The following FHAD1 variants were observed in gnomAD, a reference collection of about 807,000 sequenced individuals.
The protein encoded by FHAD1 is forkhead-associated domain-containing protein 1.
Under a neutral mutation model 191.3 loss-of-function variants are expected in FHAD1, and 146 were observed. The ratio of observed to expected loss-of-function variants is 0.76; its 90% confidence interval spans 0.67 to 0.88. The LOEUF (loss-of-function observed/expected upper bound fraction) is 0.88, where lower values mean the gene tolerates loss of function less well. FHAD1 is among the 40% of genes least tolerant of loss of function. The pLI, the probability that FHAD1 is intolerant of heterozygous loss-of-function variation, is 0.00. For missense variants in FHAD1, 1,635 were observed against 1,785.8 expected (o/e 0.92, Z 1.52); for synonymous variants, 616 against 672.3 (o/e 0.92, Z 1.29).
At chr1:15,388,280 G>GCCCCTGCCCCACCTCCC (rs1702714841) in intron 32 of FHAD1, 149 bp downstream of exon 32, 7 of 119,806 alleles carry the variant, frequency 5.8e-5, no homozygotes, top group East Asian at 5.0e-4. Flanking sequence ...TCTGCCCCTC[G>GCCCCTGCCCCACCTCCC]TCCCTCCCTC....
intron 33 of FHAD1, among the ~76,000 whole-genome samples, chr1:15,394,425 A>G (rs933875433): frequency 6.6e-6 from 1 of 152,202 alleles, no homozygotes; most frequent in Non-Finnish European, 1.5e-5. Flanking sequence ...TTAGGGGGGA[A>G]GGCTTTTGAG....
chr1:15,336,219 T>G (rs1558148378), intron 14 of FHAD1, among the ~76,000 whole-genome samples: 2 of 152,196 alleles, frequency 1.3e-5, no homozygotes, highest in South Asian at 4.1e-4. Flanking sequence ...CCTATAAATA[T>G]GAACATACTT....
chr1:15,283,009 C>T (rs1299057101), intron 3 of FHAD1, among the ~76,000 whole-genome samples: 1 of 152,246 alleles, frequency 6.6e-6, no homozygotes, highest in African/African-American at 2.4e-5. Context: ...GCTACTTGCT[C>T]AGCAGGGCTA....
intron 28 of FHAD1, among the ~76,000 whole-genome samples, chr1:15,375,939 G>A (rs540244141): frequency 2.6e-5 from 4 of 152,288 alleles, no homozygotes; most frequent in African/African-American, 9.6e-5. Flanking sequence ...GTATGGTTCC[G>A]CATGGTGTTG....
intron 14 of FHAD1, among the ~76,000 whole-genome samples, chr1:15,336,136 G>A (rs1447253564): frequency 6.6e-6 from 1 of 152,208 alleles, no homozygotes; most frequent in South Asian, 2.1e-4. Context: ...GAGATTGACA[G>A]ATCTAGGTCT....
rs544133165 is a variant in FHAD1 at position 15,319,295 on chromosome 1, G to A, written c.1365+1367G>A. Among the ~76,000 whole-genome samples, 7 of 152,254 alleles carry A rather than the reference G, an allele frequency of 4.6e-5. No homozygotes were observed. The South Asian group carries it at 6.2e-4, about 14-fold the overall frequency. ...GCAGAAGTCAAATCATTAAAACCTC[G>A]TGAGCTGAAATGTATACTACACAAG... is the stretch of plus-strand genomic sequence containing the variant. On this transcript the variant is annotated intron_variant, in intron 10 of 33. Coordinates refer to ENST00000688493, the MANE Select transcript of FHAD1 (RefSeq NM_001391957.1).
intron 14 of FHAD1, among the ~76,000 whole-genome samples, chr1:15,332,020 C>G (rs2101912262): frequency 6.6e-6 from 1 of 152,288 alleles, no homozygotes; most frequent in South Asian, 2.1e-4. Flanking sequence ...TATATTCTTT[C>G]CACAATGAAT....
intron 1 of FHAD1, among the ~76,000 whole-genome samples, chr1:15,241,900 C>A (rs1351476377): frequency 6.6e-6 from 1 of 152,046 alleles, no homozygotes; most frequent in African/African-American, 2.4e-5. Flanking sequence ...TGACCTGAGA[C>A]AAAATGTATA....
chr1:15,305,777 G>T (rs544665618), intron 6 of FHAD1: 6 of 446,610 alleles, frequency 1.3e-5, no homozygotes, highest in South Asian at 9.5e-5. Flanking sequence ...AGTGCTTTTC[G>T]CCTCCCACCA....
chr1:15,257,092 T>C (rs2100899279), intron 2 of FHAD1, among the ~76,000 whole-genome samples: 1 of 152,380 alleles, frequency 6.6e-6, no homozygotes, highest in African/African-American at 2.4e-5. Flanking sequence ...CAAAGTCTTT[T>C]TTATTATTAT....
At chr1:15,308,862 C>G in intron 7 of FHAD1, 126 bp downstream of exon 7, 2 of 1,403,496 alleles carry the variant, frequency 1.4e-6, no homozygotes, top group East Asian at 5.1e-5. Context: ...AGAGTTCTTC[C>G]CAGCAGCCCT....
intron 31 of FHAD1, among the ~76,000 whole-genome samples, chr1:15,386,967 A>G (rs930265760): frequency 7.3e-5 from 11 of 151,456 alleles, no homozygotes; most frequent in Admixed American, 3.9e-4. Context: ...GGCTCAAATG[A>G]TCCTCCCACC....
rs1390220049 is a variant in FHAD1 at position 15,316,401 on chromosome 1, A to C, written c.1194A>C (p.Leu398Phe). The C allele has an allele frequency of 6.4e-7, 1 of 1,551,624 alleles. No individual in the cohort carries two copies. The highest frequency in any genetic ancestry group is 8.7e-7 in the Non-Finnish European group (1 of 1,147,008). Residue 398 changes from leucine (L) to phenylalanine (F), a missense_variant, in exon 9 of 34, where the codon TTA (leucine) becomes TTC (phenylalanine). Leu to Phe is a conservative substitution (Grantham distance 22). Coordinates refer to ENST00000688493, the MANE Select transcript of FHAD1 (RefSeq NM_001391957.1). The surrounding 1 kb of genome is among the most constrained non-coding windows in gnomAD (Gnocchi z 4.3). The stretch of plus-strand genomic sequence containing the variant: ...AGTGCTCGGTGCTAAAGGAAGAGTT[A>C]AAACAGGAAGATGCTCACAGGGAGC... ...GSRCSVLKEE[L>F]KQEDAHRELR... is the part of the protein sequence containing the mutation.
At chr1:15,268,878 T>C (rs1474998175) in intron 2 of FHAD1, among the ~76,000 whole-genome samples, 3 of 151,562 alleles carry the variant, frequency 2.0e-5, no homozygotes, top group African/African-American at 7.3e-5. Context: ...TTGAGTTCAT[T>C]GTAGATTCTG....
chr1:15,251,916 C>T lies in FHAD1; in HGVS notation c.93+39C>T, dbSNP rs751217561. On this transcript the variant is annotated intron_variant, in intron 2 of 33. Coordinates refer to ENST00000688493, the MANE Select transcript of FHAD1 (RefSeq NM_001391957.1). Reference sequence around the variant, plus strand: ...CCACCTGTTCCCGTCCCCTCCCTGACCCCTTCCTTCTCCCTCTCTAACAGT... The same window carrying T: ...CCACCTGTTCCCGTCCCCTCCCTGATCCCTTCCTTCTCCCTCTCTAACAGT... The T allele has an allele frequency of 1.1e-4, 158 of 1,492,822 alleles. 1 individual carries two copies. The highest frequency in any genetic ancestry group is 1.1e-5 in the Non-Finnish European group (12 of 1,096,396). The allele number at this position is 1,492,822 out of a possible 1,614,324, so 92.5% of individuals were successfully genotyped here. A position where few individuals can be genotyped will look rare whatever the true frequency, so the allele number is the denominator to read the frequency against.
chr1:15,394,584 A>G (rs1213918216), intron 33 of FHAD1, among the ~76,000 whole-genome samples: 1 of 152,162 alleles, frequency 6.6e-6, no homozygotes, highest in Non-Finnish European at 1.5e-5. Flanking sequence ...CCACTGTCAC[A>G]GGCCTCAGGA....
In FHAD1 at chr1:15,317,911, C is replaced by CT. The variant is rs1345222508; in HGVS notation, c.1349dup (p.Arg451GlufsTer7). 2 of 1,551,148 alleles carry CT rather than the reference C, an allele frequency of 1.3e-6. No homozygotes were observed. Among genetic ancestry groups the CT allele is most frequent in the Admixed American group, 2.0e-5 (1 of 50,964 alleles). On this transcript the variant is annotated frameshift_variant, in exon 10 of 34. Transcript: ENST00000688493. LOFTEE classifies it high-confidence loss of function. The stretch of plus-strand genomic sequence containing the variant: ...TGAACAAAGCGTGATCTCTAGGACT[C>CT]TGAGAGAAAAAAGCAAGGTACGTAG...
In FHAD1 at chr1:15,381,891, A is replaced by G. The variant is rs1700998270; in HGVS notation, c.4023-137A>G. ...GCTCTCTGTACCCCAAATCTTCGTC[A>G]TGCTCTCCTGCTTGTGATGACACTC... On this transcript the variant is annotated intron_variant, in intron 30 of 33. Coordinates refer to ENST00000688493, the MANE Select transcript of FHAD1 (RefSeq NM_001391957.1). This position sits in a 1 kb window ranked among gnomAD's most constrained non-coding sequence, Gnocchi z 4.6. The G allele has an allele frequency of 2.2e-6, 2 of 921,550 alleles. No individual in the cohort carries two copies. The highest frequency in any genetic ancestry group is 3.3e-6 in the Non-Finnish European group (2 of 611,832). 57.1% of individuals were successfully genotyped at this position (921,550 alleles called of 1,614,324 possible). A position where few individuals can be genotyped will look rare whatever the true frequency, so the allele number is the denominator to read the frequency against.
chr1:15,247,661 G>T (rs939862589), intron 1 of FHAD1, among the ~76,000 whole-genome samples: 20 of 152,262 alleles, frequency 1.3e-4, no homozygotes, highest in African/African-American at 4.3e-4. Context: ...AGTCCTGGGG[G>T]TTACAGCTGG....
Sources: allele counts gnomAD v4.1 joint callset (sites outside exome capture counted in the v4.1 genomes callset), GRCh38; gene constraint gnomAD v4.1.1; non-coding constraint Gnocchi (gnomAD v3.1); transcripts MANE v1.5; gene names NCBI Gene and HGNC (gene_info 2026-07-23, HGNC 2026-07-21).